Variants in CACNA2D3 observed in about 807,000 individuals in gnomAD.
The protein encoded by CACNA2D3 is voltage-dependent calcium channel subunit alpha-2/delta-3.
CACNA2D3 carries 60 observed loss-of-function variants against 160.6 expected under a neutral mutation model. That is an observed-to-expected ratio of 0.37 (90% confidence interval 0.30 to 0.46). CACNA2D3 has a LOEUF of 0.46. Among genes scored for constraint, CACNA2D3 ranks in the 20% least tolerant of loss-of-function variants. The pLI is 1.00. For missense variants in CACNA2D3, 1,205 were observed against 1,365.0 expected, an observed-to-expected ratio of 0.88 and a Z score of 1.85; for synonymous variants, 558 against 492.9, an observed-to-expected ratio of 1.13 and a Z score of -1.75.
chr3:54,687,125 T>TTC (rs1273039348), intron 11 of CACNA2D3, among the ~76,000 whole-genome samples: 6 of 58,500 alleles, frequency 1.0e-4, no homozygotes, highest in African/African-American at 3.0e-4. Context: ...CTTTTTCTTT[T>TTC]TTTTTTTTTG....
rs1291518815 is a variant in CACNA2D3, at chr3:54,234,681, T to G, written c.205-85761T>G. 2.0e-5 allele frequency among the ~76,000 whole-genome samples: 3 copies of G among 152,198 alleles called. No individual in the cohort carries two copies. In the East Asian group the frequency reaches 5.8e-4, roughly 29 times the overall value. ...CACCATGGAATACTATGCAGCCATATAAAAGAATGAGATCATGTCCTTTGC... is the reference window on the plus strand; with the variant it reads ...CACCATGGAATACTATGCAGCCATAGAAAAGAATGAGATCATGTCCTTTGC... On this transcript the variant is annotated intron_variant, in intron 2 of 37. Coordinates refer to ENST00000474759, the MANE Select transcript of CACNA2D3 (RefSeq NM_018398.3).
At chr3:54,971,133 G>GAAA (rs1702269419) in intron 29 of CACNA2D3, among the ~76,000 whole-genome samples, 1 of 151,084 alleles carries the variant, frequency 6.6e-6, no homozygotes, top group Non-Finnish European at 1.5e-5. Context: ...AAGCCAGTCA[G>GAAA]CAAAGTTTTC....
intron 4 of CACNA2D3, among the ~76,000 whole-genome samples, chr3:54,471,369 T>A (rs6445669): frequency 0.99 from 150,926 of 152,326 alleles, 74,785 homozygotes; most frequent in Middle Eastern, 1. Flanking sequence ...CAAAGACACA[T>A]CGTACCAGAA....
rs2107001188 is a variant in CACNA2D3 at position 54,726,274 on chromosome 3, A to G, written c.1168-26325A>G. Among the ~76,000 whole-genome samples the G allele has an allele frequency of 1.3e-5, 2 of 152,320 alleles. 1 individual carries two copies. The highest frequency in any genetic ancestry group is 6.8e-3 in the Middle Eastern group (2 of 294). On this transcript the variant is annotated intron_variant, in intron 11 of 37. Transcript: ENST00000474759. Reference sequence around the variant, plus strand: ...AGGAAATCAGAGAGGACACAAACAAATGGAAAAATATTCCATGCTCATGGT... The same window carrying G: ...AGGAAATCAGAGAGGACACAAACAAGTGGAAAAATATTCCATGCTCATGGT...
intron 6 of CACNA2D3, among the ~76,000 whole-genome samples, chr3:54,566,636 G>A (rs1702413534): frequency 6.6e-6 from 1 of 152,160 alleles, no homozygotes; most frequent in Non-Finnish European, 1.5e-5. Flanking sequence ...ATCAAACACA[G>A]GACATCAGTT....
At chr3:54,219,350 A>G (rs1030897875) in intron 2 of CACNA2D3, among the ~76,000 whole-genome samples, 15 of 152,192 alleles carry the variant, frequency 9.9e-5, no homozygotes, top group African/African-American at 3.6e-4. Flanking sequence ...GGAGAGCTGG[A>G]CACCATTGAC....
chr3:54,743,289 G>A (rs1053572433), intron 11 of CACNA2D3, among the ~76,000 whole-genome samples: 1 of 152,190 alleles, frequency 6.6e-6, no homozygotes, highest in African/African-American at 2.4e-5. Context: ...AATATACTGA[G>A]TATCATGAAG....
At chr3:54,209,138 G>A (rs1405766995) in intron 2 of CACNA2D3, among the ~76,000 whole-genome samples, 1 of 152,108 alleles carries the variant, frequency 6.6e-6, no homozygotes, top group Non-Finnish European at 1.5e-5. Flanking sequence ...ATTTGGGTGG[G>A]GACACAGCCA....
chr3:54,279,954 G>C (rs1044166518), intron 2 of CACNA2D3, among the ~76,000 whole-genome samples: 1 of 152,198 alleles, frequency 6.6e-6, no homozygotes, highest in African/African-American at 2.4e-5. Context: ...TGTGTTTTCA[G>C]TGGTAGGGGC....
rs577487731 is a variant in CACNA2D3 at position 54,361,779 on chromosome 3, G to A, written c.322-24936G>A. Reference sequence around the variant, plus strand: ...TGCCTTACCAGCCTCCTAGGCTTGCGAAAGTTATCCAGAGAGAGAGACAGG... The same window carrying A: ...TGCCTTACCAGCCTCCTAGGCTTGCAAAAGTTATCCAGAGAGAGAGACAGG... On this transcript the variant is annotated intron_variant, in intron 3 of 37. Transcript: ENST00000474759. Among the ~76,000 whole-genome samples, 444 of 152,272 alleles carry A rather than the reference G, an allele frequency of 2.9e-3. 2 individuals carry two copies. Among genetic ancestry groups the A allele is most frequent in the Middle Eastern group, 6.8e-3 (2 of 294 alleles).
chr3:55,031,305 A>G (rs1293038840), intron 35 of CACNA2D3, among the ~76,000 whole-genome samples: 1 of 152,158 alleles, frequency 6.6e-6, no homozygotes, highest in East Asian at 1.9e-4. Context: ...GAAGTGGCTT[A>G]GAAGTTGCCA....
intron 2 of CACNA2D3, among the ~76,000 whole-genome samples, chr3:54,231,082 A>G (rs1384043560): frequency 1.3e-5 from 2 of 152,134 alleles, no homozygotes; most frequent in Admixed American, 1.3e-4. Flanking sequence ...CTCTGCTAAC[A>G]TGTGAGCCGG....
intron 13 of CACNA2D3, among the ~76,000 whole-genome samples, chr3:54,785,475 T>A (rs193179912): frequency 2.0e-4 from 31 of 152,314 alleles, no homozygotes; most frequent in Admixed American, 1.9e-3. Context: ...TAGAGGAGGC[T>A]GTCATCCTCC....
chr3:54,535,441 T>C (rs1701874777), intron 5 of CACNA2D3, among the ~76,000 whole-genome samples: 1 of 152,224 alleles, frequency 6.6e-6, no homozygotes, highest in Admixed American at 6.5e-5. Context: ...AAACTTACCA[T>C]TTTATTCTAT....
At chr3:54,454,825 A>G (rs973560385) in intron 4 of CACNA2D3, among the ~76,000 whole-genome samples, 1 of 152,214 alleles carries the variant, frequency 6.6e-6, no homozygotes, top group Admixed American at 6.5e-5. Context: ...TAGCTTCTAC[A>G]TATGGGTGAG....
At position 54,896,747 on chromosome 3, in the gene CACNA2D3, A is replaced by C. The variant is rs1700199169; in HGVS notation, c.2247-2A>C. The stretch of plus-strand genomic sequence containing the variant: ...GTTCTTCTGATTCTTTTCCACTTCA[A>C]GGGACTTCCTGAAAGCTGGCGACAA... On this transcript the variant is annotated splice_acceptor_variant, in intron 25 of 37. Transcript: ENST00000474759. LOFTEE classifies it high-confidence loss of function. 1 of 1,613,812 alleles carries C rather than the reference A, an allele frequency of 6.2e-7. No individual in the cohort carries two copies. Among genetic ancestry groups the C allele is most frequent in the Admixed American group, 1.7e-5 (1 of 59,994 alleles).
intron 4 of CACNA2D3, among the ~76,000 whole-genome samples, chr3:54,418,482 A>C (rs913926137): frequency 6.6e-6 from 1 of 151,478 alleles, no homozygotes; most frequent in South Asian, 2.1e-4. Context: ...AAGAAGAATG[A>C]TGAGCCACAA....
Position 55,009,461 on chromosome 3 carries a change from T to G in CACNA2D3, c.2875+18T>G. On this transcript the variant is annotated intron_variant, in intron 34 of 37. Coordinates refer to ENST00000474759, the MANE Select transcript of CACNA2D3 (RefSeq NM_018398.3). The stretch of plus-strand genomic sequence containing the variant: ...AGCTAAAGGTGAGCAGCAACTGGTT[T>G]CTGTTTCCCAGCTTGGAGGGATAAG... 1 of 1,612,398 alleles carries G rather than the reference T, an allele frequency of 6.2e-7. No individual in the cohort carries two copies. The highest frequency in any genetic ancestry group is 8.5e-7 in the Non-Finnish European group (1 of 1,178,428).
chr3:54,598,836 G>A (rs1022417448), intron 9 of CACNA2D3, among the ~76,000 whole-genome samples: 2 of 152,120 alleles, frequency 1.3e-5, no homozygotes, highest in African/African-American at 2.4e-5. Flanking sequence ...TAGTCTCTGA[G>A]TAAAATGCGG....
Sources: gnomAD v4.1 joint callset for allele counts (sites outside exome capture counted in the v4.1 genomes callset) on GRCh38, gnomAD v4.1.1 for gene constraint, MANE v1.5 for transcripts, NCBI Gene and HGNC (gene_info 2026-07-23, HGNC 2026-07-21) for gene names.